Variants in MATN3 observed in about 807,000 individuals in gnomAD.
MATN3 encodes matrilin 3.
A neutral mutation model predicts 45.3 loss-of-function variants in MATN3; 48 were observed. The ratio of observed to expected loss-of-function variants is 1.06; its 90% CI spans 0.84 to 1.35. The LOEUF (loss-of-function observed/expected upper bound fraction) is 1.35. Ranked by LOEUF, MATN3 falls within the 40% of genes most tolerant of loss-of-function variation. MATN3 has a pLI of 0.00. For synonymous variants in MATN3, 217 were observed against 245.9 expected (o/e 0.88, Z 1.10); for missense variants, 599 against 628.0 (o/e 0.95, Z 0.49).
rs763284676 is a variant in MATN3, at chr2:20,002,014, G to A, written c.983C>T (p.Ser328Phe). 1.2e-6 allele frequency: 2 copies of A among 1,613,230 alleles called. No homozygotes were observed. Among genetic ancestry groups the A allele is most frequent in the African/African-American group, 2.7e-5 (2 of 74,914 alleles). ...ACCTTCATAGCACTCACAATGATAA[G>A]AGCCACTTCTGTCATTCACACAGAT... is the stretch of plus-strand genomic sequence containing the variant. The part of the protein sequence containing the change: ...EHICVNDRSG[S>F]YHCECYEGYT... The change falls in exon 4 of 8, where the codon TCT becomes TTT. Residue 328 changes from serine to phenylalanine, a missense_variant. Ser to Phe is a radical substitution (Grantham distance 155, BLOSUM62 -2). Coordinates refer to ENST00000407540, the MANE Select transcript of MATN3 (RefSeq NM_002381.5).
Position 20,000,470 on chromosome 2 carries a change from G to C in MATN3, c.1139C>G (p.Thr380Ser). 1 of 1,612,042 alleles carries C rather than the reference G, an allele frequency of 6.2e-7. No individual in the cohort carries two copies. The highest frequency in any genetic ancestry group is 1.3e-5 in the African/African-American group (1 of 74,948). ...SHHCECYEGY[T>S]LNADKKTCSV... ...ACATGTTTTTTTATCTGCATTCAGA[G>C]TGTAGCCCTCATAGCATTCACAATG... is the stretch of plus-strand genomic sequence containing the variant. The change falls in exon 5 of 8, where the codon ACT (threonine) becomes AGT (serine). Residue 380 changes from threonine to serine, a missense_variant. By Grantham distance (58) the Thr-to-Ser change is moderately conservative (BLOSUM62 1). Coordinates refer to ENST00000407540, the MANE Select transcript of MATN3 (RefSeq NM_002381.5).
intron 5 of MATN3, among the ~76,000 whole-genome samples, chr2:19,998,225 T>A (rs1012930553): frequency 1.3e-5 from 2 of 152,012 alleles, no homozygotes; most frequent in Admixed American, 6.6e-5. Context: ...CAATTTAGAT[T>A]TTTTTTTCAG....
chr2:20,008,711 G>A (rs913958813), intron 1 of MATN3, among the ~76,000 whole-genome samples: 15 of 152,078 alleles, frequency 9.9e-5, no homozygotes, highest in Admixed American at 9.8e-4. Context: ...TGAGGTTCAA[G>A]GAGGTGTGAG....
Position 19,997,266 on chromosome 2 carries a change from G to A in MATN3, c.1169-7C>T, listed in dbSNP as rs140147655. ...AGGGCACACTTGTCACGGACTGACC[G>A]CACGTGGTGCAGGAAAGAAAATATT... On this transcript the variant is annotated splice_polypyrimidine_tract_variant and splice_region_variant and intron_variant, in intron 5 of 7. Transcript: ENST00000407540. 8.8e-6 allele frequency: 14 copies of A among 1,594,246 alleles called. No homozygotes were observed. In the East Asian group the frequency reaches 1.3e-4, roughly 15 times the overall value.
rs1381749429 is a variant in MATN3, at chr2:20,012,036, A to T, written c.223+373T>A. On this transcript the variant is annotated intron_variant, in intron 1 of 7. Transcript: ENST00000407540. The surrounding 1 kb of genome is among the most constrained non-coding windows in gnomAD (Gnocchi z 4.3). The stretch of plus-strand genomic sequence containing the variant: ...GCCCTGATATTGGATGGAGATGGAG[A>T]GATTCCAAGAGAACTAACAGCAGAG... 1.3e-5 allele frequency among the ~76,000 whole-genome samples: 2 copies of T among 152,150 alleles called. No individual in the cohort carries two copies. The highest frequency in any genetic ancestry group is 2.9e-5 in the Non-Finnish European group (2 of 68,018).
intron 2 of MATN3, 26 bp downstream of exon 2, chr2:20,005,717 GT>G (rs1558374341): frequency 6.6e-7 from 1 of 1,507,880 alleles, no homozygotes; most frequent in South Asian, 1.2e-5. Flanking sequence ...ATCCTTTCTA[GT>G]TGGAAGCAAA....
Position 19,994,294 on chromosome 2 carries a change from G to A in MATN3, c.1405+5C>T, listed in dbSNP as rs1672818423. ...CAGAAGGAGAAAACCTTCCAGAAAG[G>A]ATATGTTTAGTGTTCAGTCTTTGAA... On this transcript the variant is annotated splice_donor_5th_base_variant and intron_variant, in intron 7 of 7. Transcript: ENST00000407540. 1 of 1,597,554 alleles carries A rather than the reference G, an allele frequency of 6.3e-7. No individual in the cohort carries two copies. The highest frequency in any genetic ancestry group is 8.6e-7 in the Non-Finnish European group (1 of 1,166,082).
rs375035857 is a variant in MATN3 at position 20,002,246 on chromosome 2, C to G, written c.917-166G>C. Among the ~76,000 whole-genome samples the G allele has an allele frequency of 7.2e-5, 11 of 152,134 alleles. No homozygotes were observed. The East Asian group carries it at 7.7e-4, about 11-fold the overall frequency. On this transcript the variant is annotated intron_variant, in intron 3 of 7. Coordinates refer to ENST00000407540, the MANE Select transcript of MATN3 (RefSeq NM_002381.5). ...GGGAGTTGGGAACCAACCCTCCGGT[C>G]TTGGCTCTTTCACTAAGAGACCCTG... is the stretch of plus-strand genomic sequence containing the variant.
In MATN3 at chr2:19,995,957, C is replaced by G. The variant is rs971017435; in HGVS notation, c.1294+1177G>C. Among the ~76,000 whole-genome samples, 1 of 152,160 alleles carries G rather than the reference C, an allele frequency of 6.6e-6. No homozygotes were observed. The highest frequency in any genetic ancestry group is 6.5e-5 in the Admixed American group (1 of 15,276). On this transcript the variant is annotated intron_variant, in intron 6 of 7. Coordinates refer to ENST00000407540, the MANE Select transcript of MATN3 (RefSeq NM_002381.5). This position sits in a 1 kb window ranked among gnomAD's most constrained non-coding sequence, Gnocchi z 4.2. Reference sequence around the variant, plus strand: ...CCATCTTAGTTAATCAGTCAATAAACCAGGAAGTATCTATTGAAGATCAAC... The same window carrying G: ...CCATCTTAGTTAATCAGTCAATAAAGCAGGAAGTATCTATTGAAGATCAAC...
chr2:20,007,494 A>G (rs1360710802), intron 1 of MATN3, among the ~76,000 whole-genome samples: 1 of 151,072 alleles, frequency 6.6e-6, no homozygotes, highest in Non-Finnish European at 1.5e-5. Flanking sequence ...CTGCCATTGC[A>G]CTCCAGCCTG....
intron 5 of MATN3, among the ~76,000 whole-genome samples, chr2:19,999,924 T>A (rs1282185921): frequency 6.6e-6 from 1 of 152,202 alleles, no homozygotes; most frequent in African/African-American, 2.4e-5. Context: ...CAATGATTGA[T>A]CGTCTAGAAA....
Position 20,000,461 on chromosome 2 carries a change from GCATT to G in MATN3, c.1144_1147del (p.Asn382GlnfsTer14). On this transcript the variant is annotated frameshift_variant, in exon 5 of 8. Transcript: ENST00000407540. LOFTEE classifies it high-confidence loss of function. ...CTTACCTGAACATGTTTTTTTATCT[GCATT>G]CAGAGTGTAGCCCTCATAGCATTCA... 1 of 1,608,004 alleles carries G rather than the reference GCATT, an allele frequency of 6.2e-7. No homozygotes were observed.
In MATN3 at chr2:20,005,771, A is replaced by C; in HGVS notation, c.763T>G (p.Ser255Ala). The C allele has an allele frequency of 2.5e-6, 4 of 1,602,798 alleles. No individual in the cohort carries two copies. In the South Asian group the frequency reaches 3.3e-5, roughly 13 times the overall value. The change falls in exon 2 of 8, where the codon TCC becomes GCC. Residue 255 changes from serine to alanine, a missense_variant. Transcript: ENST00000407540. ...VETYGVIEKL[S>A]SRFQETFCAL... is the part of the protein sequence containing the mutation. ...CAGAAGGTTTCCTGGAATCTAGAGG[A>C]AAGTTTCTCAATGACCCCATAGGTC...
Position 20,010,064 on chromosome 2 carries a change from T to TCCAAAAAAAAAAA in MATN3, c.223+2344_223+2345insTTTTTTTTTTTGG, listed in dbSNP as rs1247085339. On this transcript the variant is annotated intron_variant, in intron 1 of 7. Transcript: ENST00000407540. ...TTGTCTCAGAATAAATCTCTTCAAA[T>TCCAAAAAAAAAAA]ACTAAAAAAAAAAAAAAAAAAAAAA... Among the ~76,000 whole-genome samples, 32 of 10,750 alleles carry TCCAAAAAAAAAAA rather than the reference T, an allele frequency of 3.0e-3. 1 individual carries two copies. The highest frequency in any genetic ancestry group is 3.4e-3 in the African/African-American group (4 of 1,176). The allele number at this position is 10,750 out of a possible 152,430, so 7.1% of individuals were successfully genotyped here. A position where few individuals can be genotyped will look rare whatever the true frequency, so the allele number is the denominator to read the frequency against.
At chr2:19,997,488 G>C (rs914845083) in intron 5 of MATN3, 2 of 405,186 alleles carry the variant, frequency 4.9e-6, no homozygotes, top group African/African-American at 4.2e-5. Context: ...ATCTCTCACA[G>C]ATATCTAAGG....
At chr2:20,000,008 C>A (rs182714104) in intron 5 of MATN3, among the ~76,000 whole-genome samples, 15 of 152,286 alleles carry the variant, frequency 9.8e-5, no homozygotes, top group Admixed American at 2.6e-4. Flanking sequence ...ACAAAGTCTT[C>A]TTTACTAAAA....
intron 4 of MATN3, 120 bp downstream of exon 4, chr2:20,001,835 G>A (rs1240233321): frequency 1.1e-6 from 1 of 926,262 alleles, no homozygotes; most frequent in African/African-American, 1.7e-5. Context: ...AATGGGAAAA[G>A]CTCAAGGTGG....
chr2:19,992,824 TAAAG>T lies in MATN3; in HGVS notation c.*283_*286del, dbSNP rs774431619. On this transcript the variant is annotated 3_prime_UTR_variant, in exon 8 of 8. Coordinates refer to ENST00000407540, the MANE Select transcript of MATN3 (RefSeq NM_002381.5). ...AAAATTAAATGGCTCAATTAGTAGATAAAGAAACACTAAACTTTTCATTCTATTT... is the reference window on the plus strand; with the variant it reads ...AAAATTAAATGGCTCAATTAGTAGATAAACACTAAACTTTTCATTCTATTT... The T allele has an allele frequency of 2.8e-5, 10 of 354,984 alleles. No individual in the cohort carries two copies. Among genetic ancestry groups the T allele is most frequent in the Non-Finnish European group, 5.0e-5 (10 of 198,352 alleles). 22.0% of individuals were successfully genotyped at this position (354,984 alleles called of 1,614,324 possible).
intron 4 of MATN3, 93 bp from the exon 5 acceptor site, chr2:20,000,659 G>C: frequency 7.8e-7 from 1 of 1,278,584 alleles, no homozygotes; most frequent in African/African-American, 1.5e-5. Flanking sequence ...GGAAACATAT[G>C]AGGAAAACTT....
Sources: gnomAD v4.1 joint callset for allele counts (sites outside exome capture counted in the v4.1 genomes callset) on GRCh38, gnomAD v4.1.1 for gene constraint, Gnocchi (gnomAD v3.1) non-coding constraint, MANE v1.5 for transcripts, NCBI Gene and HGNC (gene_info 2026-07-23, HGNC 2026-07-21) for gene names.